DCC: variants seen among roughly 807,000 people sequenced by gnomAD.
The protein encoded by DCC is DCC netrin 1 receptor.
A neutral mutation model predicts 172.5 loss-of-function variants in DCC; 58 were observed. The observed-to-expected ratio is 0.34, with a 90% CI of 0.27 to 0.42. The LOEUF (loss-of-function observed/expected upper bound fraction) is 0.42. Ranked by LOEUF, DCC falls within the 10% of genes least tolerant of loss-of-function variation. The pLI, the probability that DCC is intolerant of heterozygous loss-of-function variation, is 1.00. For synonymous variants in DCC, 709 were observed against 644.5 expected (o/e 1.10, Z -1.52); for missense variants, 1,740 against 1,791.0 (o/e 0.97, Z 0.51).
At chr18:52,900,885 A>G (rs1258586051) in intron 2 of DCC, among the ~76,000 whole-genome samples, 1 of 152,164 alleles carries the variant, frequency 6.6e-6, no homozygotes, top group Non-Finnish European at 1.5e-5. Flanking sequence ...AGCCCTGCAA[A>G]ATCACCAAAA....
intron 1 of DCC, among the ~76,000 whole-genome samples, chr18:52,554,172 CAA>C (rs917015206): frequency 1.3e-5 from 2 of 151,886 alleles, no homozygotes; most frequent in African/African-American, 4.8e-5. Flanking sequence ...GAAATGGCCT[CAA>C]GTTAAAGGAA....
intron 12 of DCC, among the ~76,000 whole-genome samples, chr18:53,287,419 C>T (rs545827560): frequency 6.6e-6 from 1 of 152,168 alleles, no homozygotes. Flanking sequence ...CTTTTTCTGG[C>T]TATTGTGTGA....
At chr18:53,030,876 G>T (rs1398313413) in intron 5 of DCC, among the ~76,000 whole-genome samples, 1 of 152,270 alleles carries the variant, frequency 6.6e-6, no homozygotes, top group Non-Finnish European at 1.5e-5. Flanking sequence ...AGGTGACCTG[G>T]AATTTTATCT....
chr18:52,887,026 T>C (rs1203526502), intron 2 of DCC, among the ~76,000 whole-genome samples: 1 of 152,188 alleles, frequency 6.6e-6, no homozygotes, highest in Non-Finnish European at 1.5e-5. Context: ...TCCTAGGCTC[T>C]TCTAGGGTAA....
chr18:53,023,263 C>T (rs1350374306), intron 5 of DCC, among the ~76,000 whole-genome samples: 1 of 150,642 alleles, frequency 6.6e-6, no homozygotes, highest in Non-Finnish European at 1.5e-5. Context: ...AGTTTTGTGA[C>T]AAGGTTGACC....
At chr18:53,292,124 C>G in intron 12 of DCC, among the ~76,000 whole-genome samples, 1 of 118,902 alleles carries the variant, frequency 8.4e-6, no homozygotes, top group East Asian at 2.6e-4. Context: ...CCCCCCCCCC[C>G]TTTTTTCCTG....
At chr18:52,638,189 C>G (rs1303824378) in intron 1 of DCC, among the ~76,000 whole-genome samples, 1 of 152,064 alleles carries the variant, frequency 6.6e-6, no homozygotes, top group Non-Finnish European at 1.5e-5. Flanking sequence ...GAAACAAATC[C>G]TGGAAACACA....
chr18:53,312,808 CAAAAAAAAA>C (rs551648972), intron 13 of DCC, among the ~76,000 whole-genome samples: 1 of 61,862 alleles, frequency 1.6e-5, no homozygotes, highest in Non-Finnish European at 2.6e-5. Context: ...GACACTGTCT[CAAAAAAAAA>C]AAAAAAAAGC....
chr18:52,359,227 T>C (rs62083507), intron 1 of DCC, among the ~76,000 whole-genome samples: 14,931 of 152,192 alleles, frequency 0.098, 1,177 homozygotes, highest in African/African-American at 0.22. Context: ...CACCATAGGC[T>C]GTTTCATTGG....
rs527661124 is a variant in DCC, at chr18:52,374,036, C to T, written c.91+33158C>T. On this transcript the variant is annotated intron_variant, in intron 1 of 28. Transcript: ENST00000442544. ...CCTCTGGAGTAGCTGGGACTACAGG[C>T]GCCCGCCACCACGCCTGGATTTTTT... Among the ~76,000 whole-genome samples the T allele has an allele frequency of 8.6e-5, 13 of 151,778 alleles. 1 individual carries two copies. The South Asian group carries it at 1.5e-3, about 17-fold the overall frequency.
At chr18:53,481,265 T>C (rs2045828753) in intron 25 of DCC, among the ~76,000 whole-genome samples, 1 of 152,188 alleles carries the variant, frequency 6.6e-6, no homozygotes, top group Admixed American at 6.6e-5. Context: ...GGGAGGCATC[T>C]TTGACGCTGG....
chr18:53,063,144 T>A (rs2042519409), intron 5 of DCC, among the ~76,000 whole-genome samples, 161 bp from the exon 6 acceptor site: 1 of 152,156 alleles, frequency 6.6e-6, no homozygotes, highest in Admixed American at 6.6e-5. Context: ...AAAGATTTGT[T>A]TTATAATAGT....
At chr18:52,621,657 T>A (rs1568260275) in intron 1 of DCC, among the ~76,000 whole-genome samples, 4 of 152,230 alleles carry the variant, frequency 2.6e-5, no homozygotes, top group Admixed American at 2.6e-4. Flanking sequence ...ACACTCACTG[T>A]AGCACACAAG....
At chr18:53,131,636 C>T (rs888121533) in intron 7 of DCC, among the ~76,000 whole-genome samples, 1 of 152,024 alleles carries the variant, frequency 6.6e-6, no homozygotes, top group Non-Finnish European at 1.5e-5. Flanking sequence ...ATGACATGCC[C>T]ATCACTGTGT....
intron 8 of DCC, among the ~76,000 whole-genome samples, chr18:53,162,562 C>T (rs1319842595): frequency 6.6e-6 from 1 of 152,158 alleles, no homozygotes; most frequent in African/African-American, 2.4e-5. Flanking sequence ...ACTTCTCTAA[C>T]CTCATCACGT....
At chr18:52,542,578 G>C (rs2032490930) in intron 1 of DCC, among the ~76,000 whole-genome samples, 1 of 152,198 alleles carries the variant, frequency 6.6e-6, no homozygotes, top group Admixed American at 6.5e-5. Context: ...GCTCACACCT[G>C]TAATCCCAAC....
chr18:52,794,168 T>A lies in DCC; in HGVS notation c.412+41794T>A, dbSNP rs116254335. Among the ~76,000 whole-genome samples, 851 of 152,276 alleles carry A rather than the reference T, an allele frequency of 5.6e-3. 7 individuals are homozygous for A. Among genetic ancestry groups the A allele is most frequent in the African/African-American group, 0.019 (785 of 41,570 alleles). On this transcript the variant is annotated intron_variant, in intron 2 of 28. Coordinates refer to ENST00000442544, the MANE Select transcript of DCC (RefSeq NM_005215.4). ...TTCCACATAAATTTTAGTTTTTTTT[T>A]ATATTTCTCTTGAGAACGTCGTTGG...
chr18:53,116,567 C>CT, intron 7 of DCC, among the ~76,000 whole-genome samples: 1 of 151,606 alleles, frequency 6.6e-6, no homozygotes, highest in East Asian at 2.0e-4. Context: ...ATAGGTTCAT[C>CT]TTTTTTTGAT....
At chr18:52,968,799 C>G (rs1369915372) in intron 5 of DCC, among the ~76,000 whole-genome samples, 3 of 152,048 alleles carry the variant, frequency 2.0e-5, no homozygotes, top group Admixed American at 6.6e-5. Flanking sequence ...TTAGTAAAAT[C>G]TAAATTTCCA....
Sources: gnomAD v4.1 joint callset for allele counts (sites outside exome capture counted in the v4.1 genomes callset) on GRCh38, gnomAD v4.1.1 for gene constraint, MANE v1.5 for transcripts, NCBI Gene and HGNC (gene_info 2026-07-23, HGNC 2026-07-21) for gene names.